Variants in NRCAM observed in about 807,000 individuals in gnomAD.
The protein encoded by NRCAM is neuronal cell adhesion molecule.
A neutral mutation model predicts 156.5 loss-of-function variants in NRCAM; 83 were observed. That is an observed-to-expected ratio of 0.53 (90% CI 0.44 to 0.64). NRCAM has a LOEUF of 0.64. Among genes scored for constraint, NRCAM ranks in the 30% least tolerant of loss-of-function variants. NRCAM has a pLI of 0.00. For synonymous variants in NRCAM, 538 were observed against 563.9 expected, an observed-to-expected ratio of 0.95 and a Z score of 0.65; for missense variants, 1,417 against 1,597.3, an observed-to-expected ratio of 0.89 and a Z score of 1.92.
chr7:108,416,328 G>A (rs936111651), intron 1 of NRCAM, among the ~76,000 whole-genome samples: 2 of 152,166 alleles, frequency 1.3e-5, no homozygotes, highest in South Asian at 4.1e-4. Flanking sequence ...CAGATGTTTT[G>A]AGACATTCTA....
At chr7:108,352,388 G>C (rs183711533) in intron 2 of NRCAM, among the ~76,000 whole-genome samples, 12 of 152,288 alleles carry the variant, frequency 7.9e-5, no homozygotes, top group African/African-American at 2.9e-4. Flanking sequence ...ACTGAACAGT[G>C]TTCTGTGTTT....
intron 3 of NRCAM, among the ~76,000 whole-genome samples, chr7:108,262,358 A>G (rs946479278): frequency 2.0e-5 from 3 of 152,016 alleles, no homozygotes; most frequent in African/African-American, 7.2e-5. Flanking sequence ...TATTTTTTCC[A>G]AGGCTGAAAT....
chr7:108,374,545 C>T (rs1157254903), intron 2 of NRCAM, among the ~76,000 whole-genome samples: 3 of 152,070 alleles, frequency 2.0e-5, no homozygotes, highest in African/African-American at 7.2e-5. Flanking sequence ...TAATGAGGCT[C>T]ATTTCTGCGT....
At chr7:108,294,883 T>C (rs1353914291) in intron 3 of NRCAM, among the ~76,000 whole-genome samples, 1 of 152,230 alleles carries the variant, frequency 6.6e-6, no homozygotes, top group Admixed American at 6.5e-5. Context: ...TGCCCCATTC[T>C]TGTTCAGTTT....
intron 17 of NRCAM, among the ~76,000 whole-genome samples, chr7:108,193,499 T>TTA (rs1043532149): frequency 6.6e-6 from 1 of 152,262 alleles, no homozygotes; most frequent in Non-Finnish European, 1.5e-5. Context: ...TCTTCCATTC[T>TTA]TAATGAAATC....
At chr7:108,152,684 A>G (rs2042436195) in intron 32 of NRCAM, among the ~76,000 whole-genome samples, 1 of 152,120 alleles carries the variant, frequency 6.6e-6, no homozygotes, top group African/African-American at 2.4e-5. Context: ...CATAATGTCT[A>G]TGGCTGCTTT....
rs67897117 is a variant in NRCAM, at chr7:108,368,224, AC to A, written c.-174+31211del. 7.1e-3 allele frequency among the ~76,000 whole-genome samples: 644 copies of A among 91,054 alleles called. 11 individuals carry two copies. Among genetic ancestry groups the A allele is most frequent in the East Asian group, 0.037 (85 of 2,308 alleles). 59.7% of individuals were successfully genotyped at this position (91,054 alleles called of 152,430 possible). On this transcript the variant is annotated intron_variant, in intron 2 of 32. Transcript: ENST00000379028. ...CAGCCACGTGGAATCACACTTTCAT[AC>A]CCCCCCCCACCCCCCCGCCTGCTCA...
At chr7:108,371,469 C>T (rs1287272180) in intron 2 of NRCAM, among the ~76,000 whole-genome samples, 1 of 152,058 alleles carries the variant, frequency 6.6e-6, no homozygotes, top group African/African-American at 2.4e-5. Context: ...TGCTATTGTA[C>T]GTAAATGTCT....
intron 2 of NRCAM, among the ~76,000 whole-genome samples, chr7:108,333,347 T>C (rs966642653): frequency 6.6e-6 from 1 of 152,182 alleles, no homozygotes; most frequent in Non-Finnish European, 1.5e-5. Flanking sequence ...ATATACTACA[T>C]AGAAGTTTAT....
At chr7:108,400,035 ATT>A (rs1275793783) in intron 1 of NRCAM, among the ~76,000 whole-genome samples, 2 of 152,206 alleles carry the variant, frequency 1.3e-5, no homozygotes, top group African/African-American at 4.8e-5. Context: ...AGAACTAAGT[ATT>A]TGATCAAGGT....
intron 3 of NRCAM, among the ~76,000 whole-genome samples, chr7:108,242,140 T>C (rs761925875): frequency 1.3e-5 from 2 of 150,552 alleles, no homozygotes; most frequent in Non-Finnish European, 2.9e-5. Flanking sequence ...CCAGGCATGG[T>C]GGTGGGTGCC....
intron 2 of NRCAM, among the ~76,000 whole-genome samples, chr7:108,373,114 T>C (rs2099639733): frequency 6.6e-6 from 1 of 152,192 alleles, no homozygotes; most frequent in Admixed American, 6.5e-5. Context: ...AAATACTGCA[T>C]GGTTCCACTT....
At chr7:108,376,161 C>CT (rs1306530043) in intron 2 of NRCAM, among the ~76,000 whole-genome samples, 1 of 152,184 alleles carries the variant, frequency 6.6e-6, no homozygotes, top group Non-Finnish European at 1.5e-5. Context: ...AGTTCCCTGA[C>CT]TTTTTCCAGC....
intron 2 of NRCAM, among the ~76,000 whole-genome samples, chr7:108,369,821 A>G (rs2154339744): frequency 6.6e-6 from 1 of 152,224 alleles, no homozygotes; most frequent in Non-Finnish European, 1.5e-5. Flanking sequence ...TTTCCCTTTG[A>G]AGCCATTATG....
chr7:108,209,010 T>C (rs2082633812), intron 12 of NRCAM, among the ~76,000 whole-genome samples: 1 of 152,174 alleles, frequency 6.6e-6, no homozygotes, highest in Non-Finnish European at 1.5e-5. Context: ...AGTAATAAAG[T>C]ATTTGTGGAC....
intron 3 of NRCAM, among the ~76,000 whole-genome samples, chr7:108,250,818 G>T (rs2153896382): frequency 6.6e-6 from 1 of 152,216 alleles, no homozygotes; most frequent in Non-Finnish European, 1.5e-5. Flanking sequence ...CATTTTACAT[G>T]ATGTGATTAT....
intron 5 of NRCAM, chr7:108,234,894 G>T: frequency 1.4e-6 from 1 of 721,234 alleles, no homozygotes; most frequent in East Asian, 2.6e-5. Flanking sequence ...ACTTTCTTTC[G>T]GTAACTATGT....
chr7:108,268,636 T>TGGGGGGGGGGGA (rs1300340254), intron 3 of NRCAM, among the ~76,000 whole-genome samples: 19 of 8,480 alleles, frequency 2.2e-3, no homozygotes, highest in Non-Finnish European at 3.1e-3. Flanking sequence ...GGGGGGGGGT[T>TGGGGGGGGGGGA]GGGGGGGGCG....
At chr7:108,387,624 T>C (rs1189426905) in intron 2 of NRCAM, among the ~76,000 whole-genome samples, 1 of 152,146 alleles carries the variant, frequency 6.6e-6, no homozygotes, top group Non-Finnish European at 1.5e-5. Flanking sequence ...TGCAGGTTTG[T>C]TACATATGTA....
Sources: allele counts gnomAD v4.1 joint callset (sites outside exome capture counted in the v4.1 genomes callset), GRCh38; gene constraint gnomAD v4.1.1; transcripts MANE v1.5; gene names NCBI Gene and HGNC (gene_info 2026-07-23, HGNC 2026-07-21).